The following MSRB3 variants were observed in gnomAD, a reference collection of about 807,000 sequenced individuals.
MSRB3 encodes the protein methionine-R-sulfoxide reductase B3.
Under a neutral mutation model 21.0 loss-of-function variants are expected in MSRB3, and 13 were observed. The ratio of observed to expected loss-of-function variants is 0.62; its 90% CI spans 0.40 to 0.98. The LOEUF (loss-of-function observed/expected upper bound fraction) is 0.98, where lower values mean the gene tolerates loss of function less well. Ranked by LOEUF, MSRB3 falls within the 50% of genes least tolerant of loss-of-function variation. The pLI, the probability that MSRB3 is intolerant of heterozygous loss-of-function variation, is 0.00. For synonymous variants in MSRB3, 87 were observed against 88.6 expected (o/e 0.98, Z 0.10); for missense variants, 199 against 230.3 (o/e 0.86, Z 0.88).
At chr12:65,383,864 G>T (rs555113414) in intron 5 of MSRB3, among the ~76,000 whole-genome samples, 1 of 152,168 alleles carries the variant, frequency 6.6e-6, no homozygotes, top group African/African-American at 2.4e-5. Flanking sequence ...TCGCCATGTT[G>T]GCCAGGCTGG....
chr12:65,365,867 G>GT (rs1877980379), intron 4 of MSRB3, among the ~76,000 whole-genome samples: 1 of 152,266 alleles, frequency 6.6e-6, no homozygotes, highest in South Asian at 2.1e-4. Context: ...CAGGACAGTG[G>GT]TAACTGGGCC....
intron 5 of MSRB3, among the ~76,000 whole-genome samples, chr12:65,421,220 A>G (rs1881276316): frequency 6.6e-6 from 1 of 151,740 alleles, no homozygotes; most frequent in African/African-American, 2.4e-5. Flanking sequence ...GATCAGCACT[A>G]TTGACCTTTT....
At chr12:65,354,666 G>A (rs761085198) in intron 4 of MSRB3, among the ~76,000 whole-genome samples, 1 of 151,602 alleles carries the variant, frequency 6.6e-6, no homozygotes, top group Non-Finnish European at 1.5e-5. Context: ...TTACTACAAA[G>A]GCCAAAGGTA....
chr12:65,314,504 A>G (rs1187536422), intron 2 of MSRB3, among the ~76,000 whole-genome samples: 1 of 152,140 alleles, frequency 6.6e-6, no homozygotes, highest in Non-Finnish European at 1.5e-5. Flanking sequence ...ATAAAGTTTT[A>G]GTTAATGTTG....
intron 5 of MSRB3, among the ~76,000 whole-genome samples, chr12:65,379,277 G>T: frequency 6.6e-6 from 1 of 151,894 alleles, no homozygotes; most frequent in Non-Finnish European, 1.5e-5. Context: ...GTTGGACCTG[G>T]ACAATATACT....
chr12:65,437,079 T>C (rs1331728509), intron 5 of MSRB3, among the ~76,000 whole-genome samples: 1 of 151,924 alleles, frequency 6.6e-6, no homozygotes, highest in Non-Finnish European at 1.5e-5. Context: ...GGCCTTATAC[T>C]TTCTATTCCA....
At chr12:65,367,234 G>A (rs1474471897) in intron 4 of MSRB3, among the ~76,000 whole-genome samples, 3 of 152,144 alleles carry the variant, frequency 2.0e-5, no homozygotes, top group Non-Finnish European at 4.4e-5. Flanking sequence ...ATGAAAGAGG[G>A]ATAACAAAGC....
rs1199215863 is a variant in MSRB3 at position 65,464,341 on chromosome 12, A to G, written c.*1019A>G. ...GTGGCGCATGCATGTAGTCCCAGCT[A>G]CTCCTGAGGCTCAGTCAGGAGAATC... On this transcript the variant is annotated 3_prime_UTR_variant, in exon 7 of 7. Transcript: ENST00000308259. The G allele has an allele frequency of 1.3e-5, 2 of 152,278 alleles. No individual in the cohort carries two copies. Among genetic ancestry groups the G allele is most frequent in the African/African-American group, 4.8e-5 (2 of 41,414 alleles). The allele number at this position is 152,278 out of a possible 1,614,324, so 9.4% of individuals were successfully genotyped here.
chr12:65,307,937 A>C (rs1278636004), intron 1 of MSRB3, among the ~76,000 whole-genome samples: 1 of 152,218 alleles, frequency 6.6e-6, no homozygotes, highest in African/African-American at 2.4e-5. Flanking sequence ...AAATTCTAAC[A>C]AAATGTGTCT....
chr12:65,348,550 C>A (rs1270156718), intron 4 of MSRB3, among the ~76,000 whole-genome samples: 10 of 151,688 alleles, frequency 6.6e-5, no homozygotes, highest in African/African-American at 2.4e-4. Context: ...CCTGGATTCA[C>A]TGATTTTTTG....
intron 6 of MSRB3, among the ~76,000 whole-genome samples, chr12:65,459,033 T>C (rs566962478): frequency 6.6e-6 from 1 of 152,308 alleles, no homozygotes; most frequent in South Asian, 2.1e-4. Flanking sequence ...CTAGAATACT[T>C]GGGGAATTCT....
Position 65,292,163 on chromosome 12 carries a change from A to G in MSRB3, c.-52+13298A>G, listed in dbSNP as rs560267830. On this transcript the variant is annotated intron_variant, in intron 1 of 6. Transcript: ENST00000308259. Reference sequence around the variant, plus strand: ...CATATCATTGAGCCCAGTGAGCTCAATTTGGTCCCTGTCTTCCTGACTTCA... The same window carrying G: ...CATATCATTGAGCCCAGTGAGCTCAGTTTGGTCCCTGTCTTCCTGACTTCA... 1.1e-3 allele frequency among the ~76,000 whole-genome samples: 164 copies of G among 152,300 alleles called. 2 individuals carry two copies. In the South Asian group the frequency reaches 0.03, roughly 28 times the overall value.
intron 5 of MSRB3, among the ~76,000 whole-genome samples, chr12:65,441,313 G>A (rs181694238): frequency 4.3e-4 from 65 of 152,062 alleles, no homozygotes; most frequent in Non-Finnish European, 4.1e-4. Flanking sequence ...TCAATATGAG[G>A]AGTGGTAAGT....
chr12:65,369,022 T>G lies in MSRB3; in HGVS notation c.288T>G (p.Gly96=). The G allele has an allele frequency of 6.5e-7, 1 of 1,546,504 alleles. No individual in the cohort carries two copies. Among genetic ancestry groups the G allele is most frequent in the Non-Finnish European group, 8.8e-7 (1 of 1,132,590 alleles). Residue 96 remains glycine (G), a synonymous_variant, in exon 5 of 7, where the codon GGT becomes GGG. Coordinates refer to ENST00000308259, the MANE Select transcript of MSRB3 (RefSeq NM_001031679.3). ...GGTCAGAAACCAAATTTGACTCCGG[T>G]TCAGGTATGTTTACATTAATAATGC... The part of the protein sequence containing the change: ...LFKSETKFDS[G]SGWPSFHDVI...
chr12:65,453,792 T>C lies in MSRB3; in HGVS notation c.357T>C (p.Tyr119=), dbSNP rs34513088. Residue 119 remains tyrosine, a synonymous_variant, in exon 6 of 7, where the codon TAT becomes TAC. Coordinates refer to ENST00000308259, the MANE Select transcript of MSRB3 (RefSeq NM_001031679.3). ...EAITFTDDFS[Y]GMHRVETSCS... is the part of the protein sequence containing the mutation. Reference sequence around the variant, plus strand: ...TCACATTCACAGATGACTTTTCCTATGGGATGCACAGGGTGGAAACAAGCT... The same window carrying C: ...TCACATTCACAGATGACTTTTCCTACGGGATGCACAGGGTGGAAACAAGCT... 5.1e-3 allele frequency: 8,288 copies of C among 1,614,066 alleles called. 397 individuals carry two copies. In the African/African-American group the frequency reaches 0.1, roughly 19 times the overall value.
intron 5 of MSRB3, among the ~76,000 whole-genome samples, chr12:65,400,111 C>T (rs539960162): frequency 6.6e-6 from 1 of 152,108 alleles, no homozygotes; most frequent in African/African-American, 2.4e-5. Context: ...ATGATGCTGG[C>T]CTCATAAAGT....
At chr12:65,440,539 C>A (rs1045514747) in intron 5 of MSRB3, among the ~76,000 whole-genome samples, 1 of 151,728 alleles carries the variant, frequency 6.6e-6, no homozygotes, top group Non-Finnish European at 1.5e-5. Flanking sequence ...CTTCCTGAGA[C>A]TTTTGTAATT....
At chr12:65,351,899 T>A (rs1351749348) in intron 4 of MSRB3, among the ~76,000 whole-genome samples, 1 of 152,120 alleles carries the variant, frequency 6.6e-6, no homozygotes, top group East Asian at 1.9e-4. Context: ...GAGGAACTGG[T>A]ACCATTCCTT....
At position 65,349,414 on chromosome 12, in the gene MSRB3, G is replaced by T. The variant is rs1266137590; in HGVS notation, c.264-19584G>T. ...AGCAGCAAGATTTATAGTCCTTTGG[G>T]TATATACCCAGTAATGGGATGGCTG... On this transcript the variant is annotated intron_variant, in intron 4 of 6. Coordinates refer to ENST00000308259, the MANE Select transcript of MSRB3 (RefSeq NM_001031679.3). Among the ~76,000 whole-genome samples the T allele has an allele frequency of 5.3e-5, 8 of 151,884 alleles. No homozygotes were observed. In the East Asian group the frequency reaches 1.5e-3, roughly 29 times the overall value.
Sources: gnomAD v4.1 joint callset for allele counts (sites outside exome capture counted in the v4.1 genomes callset) on GRCh38, gnomAD v4.1.1 for gene constraint, MANE v1.5 for transcripts, NCBI Gene and HGNC (gene_info 2026-07-23, HGNC 2026-07-21) for gene names.